The following PLCB4 variants were observed in gnomAD, a reference collection of about 807,000 sequenced individuals.
PLCB4 encodes 1-phosphatidylinositol 4,5-bisphosphate phosphodiesterase beta-4.
Under a neutral mutation model 178.8 loss-of-function variants are expected in PLCB4, and 77 were observed. The ratio of observed to expected loss-of-function variants is 0.43; its 90% confidence interval spans 0.36 to 0.52. The LOEUF (loss-of-function observed/expected upper bound fraction) is 0.52, where lower values mean the gene tolerates loss of function less well. Ranked by LOEUF, PLCB4 falls within the 20% of genes least tolerant of loss-of-function variation. PLCB4 has a pLI of 0.00. For missense variants in PLCB4, 1,024 were observed against 1,453.4 expected (o/e 0.70, Z 4.80); for synonymous variants, 496 against 490.8 (o/e 1.01, Z -0.14).
intron 20 of PLCB4, among the ~76,000 whole-genome samples, chr20:9,403,758 C>A (rs548662936): frequency 3.3e-5 from 5 of 152,190 alleles, no homozygotes; most frequent in Non-Finnish European, 7.3e-5. Flanking sequence ...TGTTTACACA[C>A]CCATTCAGTC....
Position 9,363,963 on chromosome 20 carries a change from T to C in PLCB4, c.449+988T>C, listed in dbSNP as rs112624429. 4.5e-4 allele frequency among the ~76,000 whole-genome samples: 69 copies of C among 152,350 alleles called. 1 individual carries two copies. Among genetic ancestry groups the C allele is most frequent in the African/African-American group, 1.6e-3 (66 of 41,600 alleles). ...GGTCTCTAGGCTATAAATCCCGGCT[T>C]CACCATGGCAAATTCTTACACTTGT... On this transcript the variant is annotated intron_variant, in intron 8 of 39. Coordinates refer to ENST00000378473, the MANE Select transcript of PLCB4 (RefSeq NM_001377142.1).
chr20:9,088,908 A>G (rs192995578), intron 1 of PLCB4, among the ~76,000 whole-genome samples: 15 of 152,196 alleles, frequency 9.9e-5, no homozygotes, highest in African/African-American at 3.4e-4. Flanking sequence ...ATATATATGC[A>G]GACATATAAA....
intron 38 of PLCB4, among the ~76,000 whole-genome samples, chr20:9,473,786 A>G (rs1020804085): frequency 4.6e-5 from 7 of 152,000 alleles, no homozygotes; most frequent in African/African-American, 1.7e-4. Context: ...AAGTTTAAAA[A>G]CCTCCCTGGG....
At chr20:9,470,184 A>G (rs959946693) in intron 36 of PLCB4, among the ~76,000 whole-genome samples, 2 of 152,042 alleles carry the variant, frequency 1.3e-5, no homozygotes, top group African/African-American at 4.8e-5. Flanking sequence ...CAAAAAAATT[A>G]GCTGGGTGTG....
At chr20:9,255,549 G>A (rs1229426767) in intron 3 of PLCB4, among the ~76,000 whole-genome samples, 1 of 141,508 alleles carries the variant, frequency 7.1e-6, no homozygotes, top group Admixed American at 7.2e-5. Context: ...TGTAAGTTTA[G>A]CATAAATTTA....
chr20:9,374,315 G>C (rs2036495659), intron 12 of PLCB4, among the ~76,000 whole-genome samples: 1 of 152,098 alleles, frequency 6.6e-6, no homozygotes, highest in South Asian at 2.1e-4. Flanking sequence ...CCACTCCACT[G>C]GTTTTTAGTC....
At chr20:9,083,521 A>G (rs958581609) in intron 1 of PLCB4, among the ~76,000 whole-genome samples, 3 of 152,102 alleles carry the variant, frequency 2.0e-5, no homozygotes, top group Non-Finnish European at 4.4e-5. Flanking sequence ...AGGATTCTTT[A>G]ACACCGGGCC....
At chr20:9,081,530 T>A (rs1000771492) in intron 1 of PLCB4, among the ~76,000 whole-genome samples, 5 of 152,260 alleles carry the variant, frequency 3.3e-5, no homozygotes, top group Middle Eastern at 3.4e-3. Flanking sequence ...TTCATACAGT[T>A]GTCATCTTCC....
intron 28 of PLCB4, among the ~76,000 whole-genome samples, chr20:9,426,707 C>T (rs1396626821): frequency 2.0e-5 from 3 of 151,982 alleles, no homozygotes; most frequent in African/African-American, 7.2e-5. Context: ...AAAATTAAAT[C>T]TTACTATACT....
In PLCB4 at chr20:9,340,360, G is replaced by A. The variant is rs1416598781; in HGVS notation, c.369+1323G>A. Among the ~76,000 whole-genome samples the A allele has an allele frequency of 6.6e-5, 10 of 152,250 alleles. No individual in the cohort carries two copies. The East Asian group carries it at 1.9e-3, about 29-fold the overall frequency. On this transcript the variant is annotated intron_variant, in intron 7 of 39. Transcript: ENST00000378473. ...CCTCCTGGGAGCTTGTTACACATTT[G>A]AGTCTCAGGCCCACCCAGATGTTCT...
chr20:9,386,992 A>G (rs1452561495), intron 14 of PLCB4, among the ~76,000 whole-genome samples: 1 of 151,540 alleles, frequency 6.6e-6, no homozygotes, highest in Non-Finnish European at 1.5e-5. Flanking sequence ...CCTGGGTTCA[A>G]GCAATTCTCA....
At chr20:9,450,658 C>CTTTTTTTTTTTTTTTTTTTTTTTTTT (rs60982044) in intron 32 of PLCB4, among the ~76,000 whole-genome samples, 1 of 100,248 alleles carries the variant, frequency 1.0e-5, no homozygotes, top group Non-Finnish European at 2.1e-5. Context: ...CTTTTCTTTT[C>CTTTTTTTTTTTTTTTTTTTTTTTTTT]TTTTTTTTTT....
chr20:9,159,765 A>T (rs1425334720), intron 2 of PLCB4, among the ~76,000 whole-genome samples: 1 of 152,220 alleles, frequency 6.6e-6, no homozygotes, highest in East Asian at 1.9e-4. Context: ...ATGGTGAATG[A>T]AACTGGCTTC....
At chr20:9,091,537 G>C (rs1279372177) in intron 1 of PLCB4, among the ~76,000 whole-genome samples, 2 of 151,724 alleles carry the variant, frequency 1.3e-5, no homozygotes, top group African/African-American at 4.8e-5. Context: ...GACCTTCCTA[G>C]GTTTGAGTAT....
intron 19 of PLCB4, among the ~76,000 whole-genome samples, chr20:9,398,689 G>GTATTATTAT (rs11469240): frequency 1.3e-4 from 20 of 150,296 alleles, no homozygotes; most frequent in South Asian, 6.3e-4. Context: ...GATGAAATGG[G>GTATTATTAT]TATTATTATT....
At chr20:9,332,995 C>T (rs554768137) in intron 4 of PLCB4, among the ~76,000 whole-genome samples, 23 of 152,282 alleles carry the variant, frequency 1.5e-4, no homozygotes, top group South Asian at 2.1e-4. Context: ...TTTAGGCAGA[C>T]GGCCTCAACC....
At chr20:9,244,395 A>G (rs1383070223) in intron 3 of PLCB4, among the ~76,000 whole-genome samples, 2 of 152,232 alleles carry the variant, frequency 1.3e-5, no homozygotes, top group Non-Finnish European at 2.9e-5. Context: ...TTAGTCATGG[A>G]AAAATATTAA....
At chr20:9,279,634 A>G (rs1367016144) in intron 3 of PLCB4, among the ~76,000 whole-genome samples, 2 of 152,084 alleles carry the variant, frequency 1.3e-5, no homozygotes, top group Non-Finnish European at 2.9e-5. Context: ...CAAAGAGTTC[A>G]TCATCATTTT....
chr20:9,213,192 G>A (rs1322903457), intron 2 of PLCB4, among the ~76,000 whole-genome samples: 1 of 132,206 alleles, frequency 7.6e-6, no homozygotes. Context: ...CAGGCTGGAG[G>A]GCAGTGGTGC....
Sources: gnomAD v4.1 joint callset for allele counts (sites outside exome capture counted in the v4.1 genomes callset) on GRCh38, gnomAD v4.1.1 for gene constraint, MANE v1.5 for transcripts, NCBI Gene and HGNC (gene_info 2026-07-23, HGNC 2026-07-21) for gene names.